GABRB1: variants seen among roughly 807,000 people sequenced by gnomAD.
GABRB1 encodes the protein gamma-aminobutyric acid receptor subunit beta-1.
GABRB1 carries 17 observed loss-of-function variants against 51.6 expected under a neutral mutation model. The observed-to-expected ratio is 0.33, with a 90% CI of 0.23 to 0.49. The LOEUF is 0.49. Ranked by LOEUF, GABRB1 falls within the 20% of genes least tolerant of loss-of-function variation. The pLI, the probability that GABRB1 is intolerant of heterozygous loss-of-function variation, is 0.99. For missense variants in GABRB1, 410 were observed against 600.6 expected, an observed-to-expected ratio of 0.68 and a Z score of 3.32; for synonymous variants, 247 against 218.9, an observed-to-expected ratio of 1.13 and a Z score of -1.14.
rs559011841 is a variant in GABRB1, at chr4:47,293,201, G to A, written c.462-26926G>A. 7.0e-4 allele frequency among the ~76,000 whole-genome samples: 106 copies of A among 152,262 alleles called. 2 individuals carry two copies. The South Asian group carries it at 0.022, about 31-fold the overall frequency. ...TTGTCGCCCATGCTGGAGTGCAGTG[G>A]TGCAATCTCATCTCACCACAACCTC... On this transcript the variant is annotated intron_variant, in intron 4 of 8. Transcript: ENST00000295454.
chr4:47,104,863 C>G (rs930823529), intron 3 of GABRB1, among the ~76,000 whole-genome samples: 1 of 152,006 alleles, frequency 6.6e-6, no homozygotes, highest in Admixed American at 6.6e-5. Flanking sequence ...TTGGGCCTCC[C>G]ACATATTAAT....
chr4:47,047,036 TG>T (rs1299996516), intron 3 of GABRB1, among the ~76,000 whole-genome samples: 1 of 152,006 alleles, frequency 6.6e-6, no homozygotes, highest in African/African-American at 2.4e-5. Flanking sequence ...AAACAACTAA[TG>T]GGTACTAGGC....
chr4:47,173,241 A>G (rs962590172), intron 4 of GABRB1, among the ~76,000 whole-genome samples: 2 of 152,190 alleles, frequency 1.3e-5, no homozygotes, highest in African/African-American at 4.8e-5. Context: ...CAATACAAAC[A>G]TCTGCTTTGA....
intron 4 of GABRB1, among the ~76,000 whole-genome samples, chr4:47,275,545 C>T (rs1332044163): frequency 6.6e-6 from 1 of 152,090 alleles, no homozygotes; most frequent in African/African-American, 2.4e-5. Flanking sequence ...AAAGTCTCAG[C>T]ATAAGGAATC....
At chr4:47,042,628 G>A (rs1349866743) in intron 3 of GABRB1, among the ~76,000 whole-genome samples, 1 of 151,002 alleles carries the variant, frequency 6.6e-6, no homozygotes, top group Non-Finnish European at 1.5e-5. Context: ...ATTACAAAGT[G>A]AATGACATTT....
intron 4 of GABRB1, among the ~76,000 whole-genome samples, chr4:47,211,874 C>T (rs1485146942): frequency 2.0e-5 from 3 of 152,142 alleles, no homozygotes; most frequent in African/African-American, 7.2e-5. Flanking sequence ...CTGTTTTTGA[C>T]TGTCTTTTCT....
intron 3 of GABRB1, among the ~76,000 whole-genome samples, chr4:47,139,456 T>A (rs1716819329): frequency 6.6e-6 from 1 of 152,034 alleles, no homozygotes; most frequent in Admixed American, 6.6e-5. Flanking sequence ...TCACATTTGG[T>A]ACTGACATTT....
intron 3 of GABRB1, among the ~76,000 whole-genome samples, chr4:47,047,019 T>A (rs1236132380): frequency 6.6e-6 from 1 of 151,810 alleles, no homozygotes; most frequent in Non-Finnish European, 1.5e-5. Flanking sequence ...AGGGAGAGGA[T>A]CAGAAAAAAC....
At position 47,032,157 on chromosome 4, in the gene GABRB1, C is replaced by CACACAT; in HGVS notation, c.172+156_172+157insATACAC. 4.4e-6 allele frequency: 3 copies of CACACAT among 686,496 alleles called. No homozygotes were observed. In the South Asian group the frequency reaches 5.4e-5, roughly 12 times the overall value. 42.5% of individuals were successfully genotyped at this position (686,496 alleles called of 1,614,324 possible). The stretch of plus-strand genomic sequence containing the variant: ...ACACACACACACACACACACACACA[C>CACACAT]ACACCCCGGGTCCCCAGTCTCAGGT... On this transcript the variant is annotated intron_variant, in intron 2 of 8. Coordinates refer to ENST00000295454, the MANE Select transcript of GABRB1 (RefSeq NM_000812.4).
intron 4 of GABRB1, among the ~76,000 whole-genome samples, chr4:47,305,852 T>A (rs1724448097): frequency 6.6e-6 from 1 of 152,170 alleles, no homozygotes. Flanking sequence ...AAGGTGGCTA[T>A]GCCCAGTTCA....
intron 1 of GABRB1, among the ~76,000 whole-genome samples, chr4:46,997,158 T>C (rs1036121382): frequency 2.0e-5 from 3 of 152,176 alleles, no homozygotes; most frequent in Admixed American, 1.3e-4. Context: ...CTACTATCAT[T>C]GTCTAGTTAT....
chr4:47,181,044 A>T (rs1267673234), intron 4 of GABRB1, among the ~76,000 whole-genome samples: 1 of 151,932 alleles, frequency 6.6e-6, no homozygotes, highest in East Asian at 1.9e-4. Context: ...GGGATACTGT[A>T]TTCAAATTAA....
At chr4:47,352,377 A>G (rs1035974325) in intron 5 of GABRB1, among the ~76,000 whole-genome samples, 3 of 152,188 alleles carry the variant, frequency 2.0e-5, no homozygotes, top group African/African-American at 7.2e-5. Flanking sequence ...AACTATTCCA[A>G]TCAATAGAAA....
chr4:47,013,139 CTGTGTGTG>C lies in GABRB1; in HGVS notation c.-19-18757_-19-18750del, dbSNP rs59902564. 3.4e-4 allele frequency among the ~76,000 whole-genome samples: 50 copies of C among 149,114 alleles called. 1 individual carries two copies. Among genetic ancestry groups the C allele is most frequent in the Admixed American group, 9.4e-4 (14 of 14,848 alleles). ...GTGCATTAGACCAACAAATTGCATT[CTGTGTGTG>C]TGTGTGTGTGTGTGTGTAAGGCTAT... is the stretch of plus-strand genomic sequence containing the variant. On this transcript the variant is annotated intron_variant, in intron 1 of 3. Transcript: ENST00000513567.
intron 4 of GABRB1, among the ~76,000 whole-genome samples, chr4:47,254,377 T>G (rs1182214247): frequency 1.6e-5 from 2 of 128,498 alleles, no homozygotes; most frequent in East Asian, 2.2e-4. Flanking sequence ...TTTTTTTTTT[T>G]TTTTTTTTTT....
intron 3 of GABRB1, among the ~76,000 whole-genome samples, chr4:47,085,857 G>T (rs1267231313): frequency 6.6e-6 from 1 of 152,158 alleles, no homozygotes; most frequent in Non-Finnish European, 1.5e-5. Context: ...CCCCTCCACT[G>T]TAAGGTAATC....
At chr4:47,190,400 T>C (rs1189597710) in intron 4 of GABRB1, among the ~76,000 whole-genome samples, 3 of 152,118 alleles carry the variant, frequency 2.0e-5, no homozygotes, top group African/African-American at 4.8e-5. Flanking sequence ...TTCACTATCA[T>C]GTATTGTGCA....
At chr4:47,370,255 G>T (rs137994085) in intron 5 of GABRB1, among the ~76,000 whole-genome samples, 6 of 152,148 alleles carry the variant, frequency 3.9e-5, no homozygotes, top group African/African-American at 1.4e-4. Flanking sequence ...TTGGGTGGCC[G>T]AGGCGAGTGG....
chr4:47,403,173 C>T (rs1383727443), intron 5 of GABRB1, 145 bp from the exon 6 acceptor site: 1 of 755,078 alleles, frequency 1.3e-6, no homozygotes, highest in Non-Finnish European at 2.2e-6. Context: ...AGAAATAGCA[C>T]TCCACATGAG....
Sources: allele counts gnomAD v4.1 joint callset (sites outside exome capture counted in the v4.1 genomes callset), GRCh38; gene constraint gnomAD v4.1.1; transcripts MANE v1.5; gene names NCBI Gene and HGNC (gene_info 2026-07-23, HGNC 2026-07-21).